The following PLCH1 variants were observed in gnomAD, a reference collection of about 807,000 sequenced individuals.
PLCH1 encodes the protein phospholipase C eta 1, also known as 1-phosphatidylinositol 4,5-bisphosphate phosphodiesterase eta-1.
PLCH1 carries 60 observed loss-of-function variants against 126.7 expected under a neutral mutation model. The observed-to-expected ratio is 0.47, with a 90% confidence interval of 0.38 to 0.59. The LOEUF (loss-of-function observed/expected upper bound fraction) is 0.59, where lower values mean the gene tolerates loss of function less well. Among genes scored for constraint, PLCH1 ranks in the 20% least tolerant of loss-of-function variants. The pLI, the probability that PLCH1 is intolerant of heterozygous loss-of-function variation, is 0.00. For missense variants in PLCH1, 1,723 were observed against 2,040.0 expected (o/e 0.84, Z 2.99); for synonymous variants, 719 against 734.9 (o/e 0.98, Z 0.35).
At chr3:155,606,593 T>A (rs1320105065) in intron 2 of PLCH1, among the ~76,000 whole-genome samples, 1 of 152,246 alleles carries the variant, frequency 6.6e-6, no homozygotes, top group African/African-American at 2.4e-5. Flanking sequence ...CCATTCACTC[T>A]AAGTGGCAGT....
At chr3:155,689,086 C>A (rs1295591484) in intron 2 of PLCH1, among the ~76,000 whole-genome samples, 1 of 152,144 alleles carries the variant, frequency 6.6e-6, no homozygotes, top group Non-Finnish European at 1.5e-5. Flanking sequence ...GCATCACCAC[C>A]CTCCCAGCTC....
At chr3:155,590,416 A>C (rs1731979771) in intron 4 of PLCH1, among the ~76,000 whole-genome samples, 1 of 152,104 alleles carries the variant, frequency 6.6e-6, no homozygotes, top group Admixed American at 6.6e-5. Flanking sequence ...GTCTCTACTA[A>C]AAATACAAAA....
chr3:155,729,707 G>A (rs1748612095), intron 1 of PLCH1, among the ~76,000 whole-genome samples: 1 of 152,120 alleles, frequency 6.6e-6, no homozygotes, highest in Non-Finnish European at 1.5e-5. Flanking sequence ...CAGATGGCTT[G>A]AGCCCAGCAG....
At chr3:155,586,031 T>G in intron 5 of PLCH1, 34 bp downstream of exon 5, 1 of 1,602,922 alleles carries the variant, frequency 6.2e-7, no homozygotes, top group East Asian at 2.2e-5. Flanking sequence ...CTCTGTGTAT[T>G]TTATATAAGG....
chr3:155,621,298 CA>C (rs998834834), intron 2 of PLCH1, among the ~76,000 whole-genome samples: 7 of 152,268 alleles, frequency 4.6e-5, no homozygotes, highest in Non-Finnish European at 8.8e-5. Context: ...AATACATGAA[CA>C]GGGGGAGAAA....
In PLCH1 at chr3:155,485,342, T is replaced by C; in HGVS notation, c.2974+14A>G. ...TAGAAGGGTTTATTCTCAGAGAAAC[T>C]TAAAGCATCTTACCTAGAGAGTTTT... On this transcript the variant is annotated intron_variant, in intron 22 of 22. Transcript: ENST00000460012. The C allele has an allele frequency of 6.4e-7, 1 of 1,554,674 alleles. No homozygotes were observed. The highest frequency in any genetic ancestry group is 8.8e-7 in the Non-Finnish European group (1 of 1,131,554).
Position 155,488,083 on chromosome 3 carries a change from C to T in PLCH1, c.2564G>A (p.Gly855Glu). 6.2e-7 allele frequency: 1 copy of T among 1,608,720 alleles called. No homozygotes were observed. Among genetic ancestry groups the T allele is most frequent in the African/African-American group, 1.3e-5 (1 of 74,954 alleles). Reference sequence around the variant, plus strand: ...TACAAATATGGATGCTTCTGTCAGTCCTTCCAAATAGACATGCCGGTAGCC... The same window carrying T: ...TACAAATATGGATGCTTCTGTCAGTTCTTCCAAATAGACATGCCGGTAGCC... The part of the protein sequence containing the change: ...VPGYRHVYLE[G>E]LTEASIFVHI... Residue 855 changes from glycine (G) to glutamate (E), a missense_variant, in exon 21 of 23, where the codon GGA becomes GAA. Gly to Glu is a moderately conservative substitution (Grantham distance 98). Coordinates refer to ENST00000460012, the MANE Select transcript of PLCH1 (RefSeq NM_014996.4).
At chr3:155,707,642 A>C (rs1296989287) in intron 1 of PLCH1, among the ~76,000 whole-genome samples, 1 of 149,612 alleles carries the variant, frequency 6.7e-6, no homozygotes, top group Non-Finnish European at 1.5e-5. Flanking sequence ...CAGCCTGGGC[A>C]ACAAGAACAA....
intron 1 of PLCH1, among the ~76,000 whole-genome samples, chr3:155,710,393 G>A (rs1747014392): frequency 6.6e-6 from 1 of 152,158 alleles, no homozygotes; most frequent in Non-Finnish European, 1.5e-5. Flanking sequence ...CACTAACAGT[G>A]TCTTTTGTGG....
intron 9 of PLCH1, among the ~76,000 whole-genome samples, 193 bp from the exon 10 acceptor site, chr3:155,550,151 T>C (rs970211508): frequency 6.6e-6 from 1 of 152,232 alleles, no homozygotes; most frequent in Non-Finnish European, 1.5e-5. Context: ...AAATATACTT[T>C]GCTAAGCATA....
intron 2 of PLCH1, among the ~76,000 whole-genome samples, chr3:155,640,777 T>A (rs986714182): frequency 6.6e-6 from 1 of 152,158 alleles, no homozygotes; most frequent in Non-Finnish European, 1.5e-5. Context: ...GACTAGAAGT[T>A]AAGTCACCAG....
At chr3:155,682,384 C>T (rs1744606418) in intron 2 of PLCH1, among the ~76,000 whole-genome samples, 1 of 152,070 alleles carries the variant, frequency 6.6e-6, no homozygotes, top group African/African-American at 2.4e-5. Flanking sequence ...ATATTAAACC[C>T]CAAGGAACAA....
intron 2 of PLCH1, among the ~76,000 whole-genome samples, chr3:155,628,356 GAA>G (rs34200511): frequency 0.01 from 992 of 98,134 alleles, 6 homozygotes; most frequent in South Asian, 0.03. Flanking sequence ...CTATGCCCAG[GAA>G]AAAAAAAAAA....
chr3:155,578,407 G>A (rs890233800), intron 6 of PLCH1, among the ~76,000 whole-genome samples: 4 of 152,188 alleles, frequency 2.6e-5, no homozygotes, highest in African/African-American at 9.6e-5. Flanking sequence ...TAAAACATAT[G>A]TGATTATGAT....
chr3:155,540,508 T>C (rs568610759), intron 10 of PLCH1, among the ~76,000 whole-genome samples: 2 of 152,252 alleles, frequency 1.3e-5, no homozygotes, highest in South Asian at 2.1e-4. Flanking sequence ...AAAGGACTAA[T>C]ATCTACAATC....
At chr3:155,495,130 AG>A (rs1026106441) in intron 15 of PLCH1, among the ~76,000 whole-genome samples, 15 of 152,224 alleles carry the variant, frequency 9.9e-5, no homozygotes, top group African/African-American at 3.6e-4. Flanking sequence ...AGAGGTCAAA[AG>A]CATTATAAAG....
At chr3:155,520,213 T>G (rs1720899901) in intron 11 of PLCH1, among the ~76,000 whole-genome samples, 1 of 152,162 alleles carries the variant, frequency 6.6e-6, no homozygotes, top group Non-Finnish European at 1.5e-5. Context: ...CCTTGTAACC[T>G]CAAGAGGTAA....
At chr3:155,692,495 T>C (rs888672698) in intron 2 of PLCH1, among the ~76,000 whole-genome samples, 37 of 150,600 alleles carry the variant, frequency 2.5e-4, no homozygotes, top group African/African-American at 9.2e-4. Context: ...TGGAAACATC[T>C]GGGTCCCATG....
At chr3:155,465,155 G>A (rs939340734) in intron 21 of PLCH1, among the ~76,000 whole-genome samples, 6 of 152,022 alleles carry the variant, frequency 3.9e-5, no homozygotes, top group African/African-American at 1.4e-4. Flanking sequence ...GGCACTAGAG[G>A]GATTGGTCTG....
Sources: gnomAD v4.1 joint callset for allele counts (sites outside exome capture counted in the v4.1 genomes callset) on GRCh38, gnomAD v4.1.1 for gene constraint, MANE v1.5 for transcripts, NCBI Gene and HGNC (gene_info 2026-07-23, HGNC 2026-07-21) for gene names.